SELENOH: variants seen among roughly 807,000 people sequenced by gnomAD.
SELENOH encodes the protein selenoprotein H.
A neutral mutation model predicts 11.9 loss-of-function variants in SELENOH; 13 were observed. That is an observed-to-expected ratio of 1.09 (90% CI 0.71 to 1.74). The LOEUF (loss-of-function observed/expected upper bound fraction) is 1.74, where lower values mean the gene tolerates loss of function less well. SELENOH is among the 40% of genes most tolerant of loss of function. SELENOH has a pLI of 0.00. For synonymous variants in SELENOH, 96 were observed against 73.5 expected (o/e 1.31, Z -1.56); for missense variants, 223 against 170.3 (o/e 1.31, Z -1.72).
chr11:57,742,509 G>T, intron 3 of SELENOH: 1 of 401,864 alleles, frequency 2.5e-6, no homozygotes, highest in South Asian at 3.0e-5. Context: ...GACTTGCCCT[G>T]GGGGTATGGA....
intron 3 of SELENOH, 192 bp downstream of exon 3, chr11:57,742,439 A>G (rs1006314838): frequency 1.8e-6 from 1 of 545,920 alleles, no homozygotes; most frequent in Non-Finnish European, 3.3e-6. Flanking sequence ...AAAAGACACA[A>G]TATTGTTTTC....
intron 2 of SELENOH, 44 bp from the exon 3 acceptor site, chr11:57,742,073 T>G (rs529341659): frequency 4.4e-6 from 7 of 1,593,088 alleles, no homozygotes; most frequent in South Asian, 1.1e-5. Context: ...GACGTGCTCG[T>G]GGGTTCCGAA....
Position 57,741,790 on chromosome 11 carries a change from C to A in SELENOH, c.123-19C>A, listed in dbSNP as rs764203025. Reference sequence around the variant, plus strand: ...GGGGGCCAGGGGCCCCGGTTTCTAACCTCTCCGTCTCTCCCTAGCACTAGC... The same window carrying A: ...GGGGGCCAGGGGCCCCGGTTTCTAAACTCTCCGTCTCTCCCTAGCACTAGC... On this transcript the variant is annotated intron_variant, in intron 1 of 3. Coordinates refer to ENST00000534355, the MANE Select transcript of SELENOH (RefSeq NM_170746.4). 1.9e-6 allele frequency: 3 copies of A among 1,603,498 alleles called. No homozygotes were observed. In the African/African-American group the frequency reaches 4.0e-5, roughly 21 times the overall value.
chr11:57,741,767 G>A (rs539705727), intron 1 of SELENOH, 42 bp from the exon 2 acceptor site: 38 of 1,600,990 alleles, frequency 2.4e-5, no homozygotes, highest in Non-Finnish European at 3.1e-5. Context: ...GCGCCGGGGG[G>A]GGCCAGGGGC....
At chr11:57,742,068 G>C in intron 2 of SELENOH, 49 bp from the exon 3 acceptor site, 7 of 1,590,366 alleles carry the variant, frequency 4.4e-6, no homozygotes, top group Non-Finnish European at 6.0e-6. Context: ...TCAGAGACGT[G>C]CTCGTGGGTT....
chr11:57,742,084 G>C lies in SELENOH; in HGVS notation c.269-33G>C, dbSNP rs756336275. ...CAGAGACGTGCTCGTGGGTTCCGAAGTATTGTAACTTCGCTTCATTCTGGC... is the reference window on the plus strand; with the variant it reads ...CAGAGACGTGCTCGTGGGTTCCGAACTATTGTAACTTCGCTTCATTCTGGC... On this transcript the variant is annotated intron_variant, in intron 2 of 3. Coordinates refer to ENST00000534355, the MANE Select transcript of SELENOH (RefSeq NM_170746.4). The C allele has an allele frequency of 2.5e-6, 4 of 1,599,078 alleles. No individual in the cohort carries two copies. In the South Asian group the frequency reaches 4.5e-5, roughly 18 times the overall value.
chr11:57,741,761 C>CG lies in SELENOH; in HGVS notation c.123-40dup, dbSNP rs145767870. ...AACGGGAGAGAGGGAACAGTGGCGC[C>CG]GGGGGGGGCCAGGGGCCCCGGTTTC... On this transcript the variant is annotated intron_variant, in intron 1 of 3. Coordinates refer to ENST00000534355, the MANE Select transcript of SELENOH (RefSeq NM_170746.4). 0.011 allele frequency: 17,326 copies of CG among 1,587,496 alleles called. 1,240 individuals are homozygous for CG. In the African/African-American group the frequency reaches 0.18, roughly 17 times the overall value.
Position 57,741,498 on chromosome 11 carries a change from C to T in SELENOH, c.-98C>T. On this transcript the variant is annotated 5_prime_UTR_variant, in exon 1 of 4. Transcript: ENST00000534355. ...GGTTTCCGCTGTAGGAGCAGAGCTT[C>T]CGGGCTGCGCTCTTCGTTGCCCAGT... 1 of 998,584 alleles carries T rather than the reference C, an allele frequency of 1.0e-6. No homozygotes were observed. The highest frequency in any genetic ancestry group is 1.7e-5 in the African/African-American group (1 of 59,650). The allele number at this position is 998,584 out of a possible 1,614,324, so 61.9% of individuals were successfully genotyped here. A position where few individuals can be genotyped will look rare whatever the true frequency, so the allele number is the denominator to read the frequency against.
At position 57,741,846 on chromosome 11, in the gene SELENOH, C is replaced by T; in HGVS notation, c.160C>T (p.Leu54=). The change falls in exon 2 of 4, where the codon CTG becomes TTG. Residue 54 remains leucine (L), a synonymous_variant. Transcript: ENST00000534355. ...CGTCTATGGGCGCAACGCCGCGGCC[C>T]TGAGCCAGGCGCTGCGCCTGGAGGC... is the stretch of plus-strand genomic sequence containing the variant. ...URVYGRNAAA[L]SQALRLEAPE... 6.2e-7 allele frequency: 1 copy of T among 1,606,098 alleles called. No individual in the cohort carries two copies. The highest frequency in any genetic ancestry group is 8.5e-7 in the Non-Finnish European group (1 of 1,176,828).
chr11:57,741,581 C>G lies in SELENOH; in HGVS notation c.-15C>G. The stretch of plus-strand genomic sequence containing the variant: ...CCACCAGTCCCGCTGCATTCTCGGC[C>G]GGGCTCTAGGCGCCATGGCTCCCCG... On this transcript the variant is annotated 5_prime_UTR_variant, in exon 1 of 4. Transcript: ENST00000534355. 2 of 1,259,708 alleles carry G rather than the reference C, an allele frequency of 1.6e-6. No individual in the cohort carries two copies. The highest frequency in any genetic ancestry group is 2.0e-6 in the Non-Finnish European group (2 of 995,366). The allele number at this position is 1,259,708 out of a possible 1,614,324, so 78.0% of individuals were successfully genotyped here.
At chr11:57,742,324 C>T in intron 3 of SELENOH, 77 bp downstream of exon 3, 4 of 1,129,274 alleles carry the variant, frequency 3.5e-6, no homozygotes, top group South Asian at 2.9e-5. Context: ...TACAAGTACC[C>T]ACCTGGCGTG....
chr11:57,741,562 G>A lies in SELENOH; in HGVS notation c.-34G>A. The A allele has an allele frequency of 1.6e-6, 2 of 1,251,688 alleles. No homozygotes were observed. The highest frequency in any genetic ancestry group is 3.1e-5 in the African/African-American group (2 of 64,660). 77.5% of individuals were successfully genotyped at this position (1,251,688 alleles called of 1,614,324 possible). On this transcript the variant is annotated 5_prime_UTR_variant, in exon 1 of 4. Transcript: ENST00000534355. ...TCGCGTCTCCGCCCCCCACCCACCA[G>A]TCCCGCTGCATTCTCGGCCGGGCTC...
chr11:57,741,769 G>A (rs778109616), intron 1 of SELENOH, 40 bp from the exon 2 acceptor site: 9 of 1,600,882 alleles, frequency 5.6e-6, no homozygotes, highest in Non-Finnish European at 7.7e-6. Context: ...GCCGGGGGGG[G>A]CCAGGGGCCC....
At chr11:57,742,448 TC>T (rs2135682208) in intron 3 of SELENOH, 1 of 535,528 alleles carries the variant, frequency 1.9e-6, no homozygotes, top group East Asian at 3.3e-5. Flanking sequence ...AATATTGTTT[TC>T]TGTCTAGTGT....
rs1024499668 is a variant in SELENOH at position 57,741,657 on chromosome 11, G to C, written c.62G>C (p.Arg21Pro). Residue 21 changes from arginine to proline, a missense_variant, in exon 1 of 4, where the codon CGA (arginine) becomes CCA (proline). Coordinates refer to ENST00000534355, the MANE Select transcript of SELENOH (RefSeq NM_170746.4). ...EAAVVAVAEK[R>P]EKLANGGEGM... is the part of the protein sequence containing the mutation. The stretch of plus-strand genomic sequence containing the variant: ...GCGGTGGTCGCCGTAGCCGAGAAGC[G>C]AGAGAAGCTGGCGAACGGCGGGGAG... 2 of 1,451,258 alleles carry C rather than the reference G, an allele frequency of 1.4e-6. No individual in the cohort carries two copies. Among genetic ancestry groups the C allele is most frequent in the Non-Finnish European group, 1.8e-6 (2 of 1,102,064 alleles). 89.9% of individuals were successfully genotyped at this position (1,451,258 alleles called of 1,614,324 possible). A position where few individuals can be genotyped will look rare whatever the true frequency, so the allele number is the denominator to read the frequency against.
intron 3 of SELENOH, 79 bp downstream of exon 3, chr11:57,742,326 C>G: frequency 5.4e-6 from 6 of 1,110,006 alleles, no homozygotes; most frequent in Non-Finnish European, 7.9e-6. Flanking sequence ...CAAGTACCCA[C>G]CTGGCGTGGG....
In SELENOH at chr11:57,741,704, G is replaced by A. The variant is rs756953067; in HGVS notation, c.109G>A (p.Val37Ile). 1.5e-5 allele frequency: 23 copies of A among 1,555,172 alleles called. No individual in the cohort carries two copies. The highest frequency in any genetic ancestry group is 5.2e-6 in the Non-Finnish European group (6 of 1,155,544). The change falls in exon 1 of 4, where the codon GTT becomes ATT. Residue 37 changes from valine to isoleucine, a missense_variant. Coordinates refer to ENST00000534355, the MANE Select transcript of SELENOH (RefSeq NM_170746.4). ...GGEGMEEATV[V>I]IEHCTSURVY... ...GGAGGGAATGGAGGAGGCGACCGTT[G>A]TTATCGAGCATTGGTGAGGGGCCTG... is the stretch of plus-strand genomic sequence containing the variant.
rs778890993 is a variant in SELENOH at position 57,742,105 on chromosome 11, C to T, written c.269-12C>T. ...CGAAGTATTGTAACTTCGCTTCATT[C>T]TGGCCTTTCAGGTGCGGAGCTCTGG... On this transcript the variant is annotated splice_polypyrimidine_tract_variant and intron_variant, in intron 2 of 3. Transcript: ENST00000534355. The T allele has an allele frequency of 1.9e-6, 3 of 1,607,544 alleles. No individual in the cohort carries two copies. The highest frequency in any genetic ancestry group is 1.7e-5 in the Admixed American group (1 of 58,868).
At position 57,741,522 on chromosome 11, in the gene SELENOH, G is replaced by C; in HGVS notation, c.-74G>C. 5.0e-6 allele frequency: 6 copies of C among 1,200,358 alleles called. No individual in the cohort carries two copies. The highest frequency in any genetic ancestry group is 6.3e-6 in the Non-Finnish European group (6 of 953,660). The allele number at this position is 1,200,358 out of a possible 1,614,324, so 74.4% of individuals were successfully genotyped here. Reference sequence around the variant, plus strand: ...TCCGGGCTGCGCTCTTCGTTGCCCAGTTTCCGCTCAGTGGTCGCGTCTCCG... The same window carrying C: ...TCCGGGCTGCGCTCTTCGTTGCCCACTTTCCGCTCAGTGGTCGCGTCTCCG... On this transcript the variant is annotated 5_prime_UTR_variant, in exon 1 of 4. Transcript: ENST00000534355.
Sources: gnomAD v4.1 joint callset for allele counts on GRCh38, gnomAD v4.1.1 for gene constraint, MANE v1.5 for transcripts, NCBI Gene and HGNC (gene_info 2026-07-23, HGNC 2026-07-21) for gene names.